The following ACTR10 variants were observed in gnomAD, a reference collection of about 807,000 sequenced individuals.
ACTR10 encodes the protein actin-related protein 10.
A neutral mutation model predicts 56.2 loss-of-function variants in ACTR10; 43 were observed. The ratio of observed to expected loss-of-function variants is 0.77; its 90% CI spans 0.60 to 0.99. The LOEUF is 0.99. Among genes scored for constraint, ACTR10 ranks in the 50% least tolerant of loss-of-function variants. ACTR10 has a pLI of 0.00. For missense variants in ACTR10, 466 were observed against 507.8 expected (o/e 0.92, Z 0.79); for synonymous variants, 170 against 176.3 (o/e 0.96, Z 0.28).
chr14:58,206,475 G>A (rs991276256), intron 2 of ACTR10, among the ~76,000 whole-genome samples: 1 of 152,034 alleles, frequency 6.6e-6, no homozygotes, highest in Non-Finnish European at 1.5e-5. Flanking sequence ...GAGCCACTGC[G>A]CCCGAACGAG....
intron 7 of ACTR10, among the ~76,000 whole-genome samples, chr14:58,216,624 G>C (rs1889141159): frequency 6.6e-6 from 1 of 152,090 alleles, no homozygotes; most frequent in African/African-American, 2.4e-5. Context: ...TCTTACAGTT[G>C]TCGAGGCACC....
intron 7 of ACTR10, among the ~76,000 whole-genome samples, chr14:58,218,913 C>T (rs1011469162): frequency 6.6e-6 from 1 of 152,160 alleles, no homozygotes; most frequent in Non-Finnish European, 1.5e-5. Context: ...CCAAACTCCT[C>T]CCGAGTTCAA....
chr14:58,202,490 A>G (rs1888744155), intron 1 of ACTR10, among the ~76,000 whole-genome samples: 1 of 151,540 alleles, frequency 6.6e-6, no homozygotes, highest in Non-Finnish European at 1.5e-5. Flanking sequence ...AGCCTGAGGC[A>G]GGAGAATGGC....
At chr14:58,220,501 A>G (rs551867711) in intron 8 of ACTR10, among the ~76,000 whole-genome samples, 4 of 152,324 alleles carry the variant, frequency 2.6e-5, no homozygotes, top group South Asian at 2.1e-4. Flanking sequence ...TAAAATTTCA[A>G]TCATTTGTAA....
At chr14:58,211,994 C>T (rs944082538) in intron 5 of ACTR10, among the ~76,000 whole-genome samples, 1 of 150,664 alleles carries the variant, frequency 6.6e-6, no homozygotes, top group African/African-American at 2.4e-5. Context: ...TTTTAAATCT[C>T]CAGAGGCTTT....
intron 5 of ACTR10, among the ~76,000 whole-genome samples, chr14:58,212,334 C>T (rs989895760): frequency 6.6e-6 from 1 of 152,072 alleles, no homozygotes; most frequent in Non-Finnish European, 1.5e-5. Flanking sequence ...AATTACTGAC[C>T]GTATAAACTA....
rs369319574 is a variant in ACTR10, at chr14:58,232,106, T to C, written c.911T>C (p.Val304Ala). ...AGGAAGCAACTAGCAGAGAATTTGG[T>C]AGTCATAGGTGGCACTTCTATGTTG... ...DTRKQLAENL[V>A]VIGGTSMLPG... The change falls in exon 12 of 13, where the codon GTA becomes GCA. Residue 304 changes from valine to alanine, a missense_variant. By Grantham distance (64) the Val-to-Ala change is moderately conservative (BLOSUM62 0). Transcript: ENST00000254286. The C allele has an allele frequency of 1.2e-6, 2 of 1,613,816 alleles. No individual in the cohort carries two copies. Among genetic ancestry groups the C allele is most frequent in the African/African-American group, 2.7e-5 (2 of 74,924 alleles).
chr14:58,232,134 A>T lies in ACTR10; in HGVS notation c.939A>T (p.Pro313=), dbSNP rs1333835819. 5 of 1,613,896 alleles carry T rather than the reference A, an allele frequency of 3.1e-6. No individual in the cohort carries two copies. In the African/African-American group the frequency reaches 4.0e-5, roughly 13 times the overall value. ...TCATAGGTGGCACTTCTATGTTGCC[A>T]GGATTTCTCCACAGATTGCTTGCAG... ...LVVIGGTSML[P]GFLHRLLAEI... Residue 313 remains proline (P), a synonymous_variant, in exon 12 of 13, where the codon CCA becomes CCT. Coordinates refer to ENST00000254286, the MANE Select transcript of ACTR10 (RefSeq NM_018477.3).
At chr14:58,205,983 CTG>C (rs1888850878) in intron 2 of ACTR10, among the ~76,000 whole-genome samples, 1 of 151,596 alleles carries the variant, frequency 6.6e-6, no homozygotes, top group Non-Finnish European at 1.5e-5. Context: ...GATCATGCCA[CTG>C]TGCTGCAGCC....
rs147228267 is a variant in ACTR10 at position 58,211,872 on chromosome 14, G to A, written c.450+473G>A. On this transcript the variant is annotated intron_variant, in intron 5 of 12. Coordinates refer to ENST00000254286, the MANE Select transcript of ACTR10 (RefSeq NM_018477.3). ...GGAGAGTGGCGTGAACCCGGGAGGCGGAGCTTGCAGTGAGCCGAGATCATG... is the reference window on the plus strand; with the variant it reads ...GGAGAGTGGCGTGAACCCGGGAGGCAGAGCTTGCAGTGAGCCGAGATCATG... Among the ~76,000 whole-genome samples, 101 of 151,830 alleles carry A rather than the reference G, an allele frequency of 6.7e-4. 3 individuals are homozygous for A. Among genetic ancestry groups the A allele is most frequent in the Admixed American group, 5.7e-3 (87 of 15,238 alleles).
At chr14:58,207,745 T>C (rs754694863) in intron 2 of ACTR10, among the ~76,000 whole-genome samples, 191 bp from the exon 3 acceptor site, 3 of 152,250 alleles carry the variant, frequency 2.0e-5, no homozygotes, top group Non-Finnish European at 4.4e-5. Context: ...TAAAACATTC[T>C]GCCATCTTAG....
chr14:58,224,341 A>G (rs1008609776), intron 10 of ACTR10, among the ~76,000 whole-genome samples: 3 of 152,142 alleles, frequency 2.0e-5, no homozygotes, highest in Admixed American at 2.0e-4. Flanking sequence ...AAAAAAAATT[A>G]TCTCCTATTT....
At chr14:58,223,063 A>C (rs1889314862) in intron 8 of ACTR10, among the ~76,000 whole-genome samples, 1 of 152,200 alleles carries the variant, frequency 6.6e-6, no homozygotes, top group South Asian at 2.1e-4. Context: ...GGTTTTATAC[A>C]AGATGAATGT....
rs758885349 is a variant in ACTR10 at position 58,202,875 on chromosome 14, C to T, written c.98C>T (p.Thr33Ile). The T allele has an allele frequency of 4.4e-6, 7 of 1,606,430 alleles. No individual in the cohort carries two copies. Among genetic ancestry groups the T allele is most frequent in the Non-Finnish European group, 6.0e-6 (7 of 1,176,430 alleles). ...TGCAGGTGTGGATTTGCTGGAGAAA[C>T]TGGTCCAAGATGTATAATTCCTAGT... ...AFTKCGFAGETGPRCIIPSVI... is the reference protein window; with the variant it reads ...AFTKCGFAGEIGPRCIIPSVI... Residue 33 changes from threonine (T) to isoleucine (I), a missense_variant, in exon 2 of 13, where the codon ACT becomes ATT. Transcript: ENST00000254286.
chr14:58,215,142 G>C, intron 6 of ACTR10, 63 bp from the exon 7 acceptor site: 1 of 996,486 alleles, frequency 1.0e-6, no homozygotes, highest in Non-Finnish European at 1.5e-6. Context: ...GTAGTTGAAA[G>C]TATCAAATAA....
chr14:58,211,026 G>C, intron 4 of ACTR10: 1 of 303,302 alleles, frequency 3.3e-6, no homozygotes, highest in Non-Finnish European at 6.2e-6. Context: ...AAGAGAACAA[G>C]AATAAAGAAA....
At chr14:58,210,857 T>G (rs1489125025) in intron 4 of ACTR10, among the ~76,000 whole-genome samples, 1 of 152,142 alleles carries the variant, frequency 6.6e-6, no homozygotes, top group Non-Finnish European at 1.5e-5. Flanking sequence ...GTATTTTTAG[T>G]AGAGACAAGG....
At chr14:58,211,780 A>G (rs1266506752) in intron 5 of ACTR10, among the ~76,000 whole-genome samples, 2 of 152,064 alleles carry the variant, frequency 1.3e-5, no homozygotes, top group Non-Finnish European at 2.9e-5. Context: ...GCAACATGAA[A>G]TCAGCCTTCA....
chr14:58,211,422 A>C (rs1261721257), intron 5 of ACTR10, 23 bp downstream of exon 5: 10 of 1,554,138 alleles, frequency 6.4e-6, no homozygotes, highest in African/African-American at 1.4e-5. Flanking sequence ...TCAGCCAGCC[A>C]CCTTTGCAGT....
Sources: allele counts gnomAD v4.1 joint callset (sites outside exome capture counted in the v4.1 genomes callset), GRCh38; gene constraint gnomAD v4.1.1; transcripts MANE v1.5; gene names NCBI Gene and HGNC (gene_info 2026-07-23, HGNC 2026-07-21).